KIAA1328: variants seen among roughly 807,000 people sequenced by gnomAD.
The protein encoded by KIAA1328 is protein hinderin.
In KIAA1328, 52 loss-of-function variants were observed where a neutral mutation model predicts 68.1. The observed-to-expected ratio is 0.76, with a 90% confidence interval of 0.61 to 0.96. The LOEUF (loss-of-function observed/expected upper bound fraction) is 0.96, where lower values mean the gene tolerates loss of function less well. Among genes scored for constraint, KIAA1328 ranks in the 40% least tolerant of loss-of-function variants. KIAA1328 has a pLI of 0.00. For missense variants in KIAA1328, 641 were observed against 677.6 expected (o/e 0.95, Z 0.60); for synonymous variants, 232 against 239.4 (o/e 0.97, Z 0.28).
At chr18:36,873,458 G>A in intron 4 of KIAA1328, among the ~76,000 whole-genome samples, 1 of 152,122 alleles carries the variant, frequency 6.6e-6, no homozygotes, top group East Asian at 1.9e-4. Context: ...AAACAAGACA[G>A]TAGTCCCTAT....
Position 37,160,320 on chromosome 18 carries a change from G to A in KIAA1328, c.1353G>A (p.Ser451=), listed in dbSNP as rs762430844. 18 of 1,613,404 alleles carry A rather than the reference G, an allele frequency of 1.1e-5. No homozygotes were observed. Among genetic ancestry groups the A allele is most frequent in the Middle Eastern group, 1.6e-4 (1 of 6,084 alleles). Residue 451 remains serine, a synonymous_variant, in exon 8 of 10, where the codon TCG becomes TCA. Coordinates refer to ENST00000280020, the MANE Select transcript of KIAA1328 (RefSeq NM_020776.3). ...AGAGGAAGACAGTTGGGTTTCATTCGCATATGAAAGATGATGCCCAGTGGT... is the reference window on the plus strand; with the variant it reads ...AGAGGAAGACAGTTGGGTTTCATTCACATATGAAAGATGATGCCCAGTGGT... ...RKERKTVGFH[S]HMKDDAQWSC... is the part of the protein sequence containing the mutation.
chr18:37,227,230 A>C (rs960023328), downstream of KIAA1328, among the ~76,000 whole-genome samples: 1 of 152,234 alleles, frequency 6.6e-6, no homozygotes, highest in African/African-American at 2.4e-5. Flanking sequence ...ATAATGTAAA[A>C]GTATAATGTG....
intron 7 of KIAA1328, among the ~76,000 whole-genome samples, chr18:37,133,225 G>T (rs1165272626): frequency 1.3e-5 from 2 of 151,892 alleles, no homozygotes; most frequent in East Asian, 3.9e-4. Flanking sequence ...CCAGCTACTT[G>T]GGAGGCTGAG....
intron 6 of KIAA1328, among the ~76,000 whole-genome samples, chr18:37,034,989 A>G (rs2151597745): frequency 6.6e-6 from 1 of 152,378 alleles, no homozygotes; most frequent in Middle Eastern, 3.4e-3. Flanking sequence ...ACCACCATGC[A>G]AGACCTTTAA....
chr18:37,030,761 C>T (rs2054792313), intron 6 of KIAA1328, among the ~76,000 whole-genome samples: 1 of 152,012 alleles, frequency 6.6e-6, no homozygotes, highest in Non-Finnish European at 1.5e-5. Flanking sequence ...TATACATGTG[C>T]CATGTTGGTG....
At chr18:36,831,962 A>C (rs974091178) in intron 1 of KIAA1328, among the ~76,000 whole-genome samples, 1 of 152,198 alleles carries the variant, frequency 6.6e-6, no homozygotes, top group East Asian at 1.9e-4. Flanking sequence ...AAAAAATACA[A>C]ATTAAACTGT....
intron 6 of KIAA1328, among the ~76,000 whole-genome samples, chr18:37,063,321 A>G (rs1006154466): frequency 6.6e-6 from 1 of 152,116 alleles, no homozygotes; most frequent in Non-Finnish European, 1.5e-5. Flanking sequence ...AGAATCTCCA[A>G]CCTTATGTGG....
intron 9 of KIAA1328, among the ~76,000 whole-genome samples, chr18:37,182,386 G>C (rs1278315615): frequency 6.6e-6 from 1 of 152,100 alleles, no homozygotes; most frequent in East Asian, 1.9e-4. Context: ...TATAGGCCTA[G>C]GTTTGAATGC....
intron 6 of KIAA1328, among the ~76,000 whole-genome samples, chr18:37,046,982 A>G (rs1039615878): frequency 6.6e-6 from 1 of 152,190 alleles, no homozygotes; most frequent in Non-Finnish European, 1.5e-5. Flanking sequence ...AATACAAAAA[A>G]TTAGCTGGGT....
intron 6 of KIAA1328, among the ~76,000 whole-genome samples, chr18:37,061,685 G>C (rs1417378635): frequency 6.6e-6 from 1 of 152,100 alleles, no homozygotes; most frequent in Non-Finnish European, 1.5e-5. Flanking sequence ...CAGGCCCATT[G>C]TTACTTCCTT....
intron 5 of KIAA1328, among the ~76,000 whole-genome samples, chr18:36,952,097 T>G (rs1332708380): frequency 6.6e-6 from 1 of 152,216 alleles, no homozygotes; most frequent in African/African-American, 2.4e-5. Flanking sequence ...TAACCATCCA[T>G]GCCATGCTTC....
intron 9 of KIAA1328, among the ~76,000 whole-genome samples, chr18:37,218,596 G>A (rs754767297): frequency 6.6e-6 from 1 of 152,170 alleles, no homozygotes; most frequent in African/African-American, 2.4e-5. Flanking sequence ...TCTTCCACTC[G>A]ATGGAATCAG....
At chr18:37,145,418 T>G (rs1021652871) in intron 7 of KIAA1328, among the ~76,000 whole-genome samples, 2 of 152,202 alleles carry the variant, frequency 1.3e-5, no homozygotes, top group Admixed American at 6.6e-5. Context: ...TAAAAATGTA[T>G]AGTCTGCTGT....
intron 5 of KIAA1328, among the ~76,000 whole-genome samples, chr18:36,952,211 T>C (rs1258497868): frequency 6.6e-6 from 1 of 152,166 alleles, no homozygotes; most frequent in Non-Finnish European, 1.5e-5. Context: ...GGTACATCTA[T>C]ATACTTCTTT....
In KIAA1328 at chr18:36,959,297, T is replaced by C. The variant is rs1241955635; in HGVS notation, c.449-11T>C. 1 of 1,560,322 alleles carries C rather than the reference T, an allele frequency of 6.4e-7. No homozygotes were observed. On this transcript the variant is annotated splice_polypyrimidine_tract_variant and intron_variant, in intron 5 of 9. Transcript: ENST00000280020. The stretch of plus-strand genomic sequence containing the variant: ...ATTTTTCAGTTTTTTTCCCTTAATT[T>C]GCAATCTCACCTCTTCAGCTACAGT...
chr18:36,901,651 A>G (rs1397883384), intron 5 of KIAA1328, among the ~76,000 whole-genome samples: 1 of 151,972 alleles, frequency 6.6e-6, no homozygotes, highest in Non-Finnish European at 1.5e-5. Context: ...TTGACTCTTA[A>G]TGGACCTGCA....
intron 3 of KIAA1328, among the ~76,000 whole-genome samples, chr18:36,839,028 CATCCTACCTTGGAGTAATTTTTAAAGT>C (rs1346471629): frequency 2.6e-5 from 4 of 152,152 alleles, no homozygotes; most frequent in Non-Finnish European, 5.9e-5. Context: ...CCACCATGCC[CATCCTACCTTGGAGTAATTTTTAAAGT>C]ATCTCTTTTG....
At chr18:37,014,514 A>G (rs2054083672) in intron 6 of KIAA1328, among the ~76,000 whole-genome samples, 1 of 152,176 alleles carries the variant, frequency 6.6e-6, no homozygotes, top group Non-Finnish European at 1.5e-5. Flanking sequence ...GGTAATTTAT[A>G]AAGAAGAGTT....
downstream of KIAA1328, among the ~76,000 whole-genome samples, chr18:37,226,465 A>G (rs1162512225): frequency 2.6e-5 from 4 of 152,072 alleles, no homozygotes; most frequent in Non-Finnish European, 5.9e-5. Flanking sequence ...CACCCTCCAT[A>G]CTGCCAGCCC....
Sources: allele counts gnomAD v4.1 joint callset (sites outside exome capture counted in the v4.1 genomes callset), GRCh38; gene constraint gnomAD v4.1.1; transcripts MANE v1.5; gene names NCBI Gene and HGNC (gene_info 2026-07-23, HGNC 2026-07-21).